The following SLC25A20 variants were observed in gnomAD, a reference collection of about 807,000 sequenced individuals.
SLC25A20 encodes mitochondrial carnitine/acylcarnitine carrier protein.
In SLC25A20, 29 loss-of-function variants were observed where a neutral mutation model predicts 39.7. That is an observed-to-expected ratio of 0.73 (90% CI 0.54 to 1.00). The LOEUF (loss-of-function observed/expected upper bound fraction) is 1.00. Among genes scored for constraint, SLC25A20 ranks in the 50% least tolerant of loss-of-function variants. The pLI is 0.00. For synonymous variants in SLC25A20, 103 were observed against 142.2 expected, an observed-to-expected ratio of 0.72 and a Z score of 1.96; for missense variants, 333 against 379.9, an observed-to-expected ratio of 0.88 and a Z score of 1.03.
chr3:48,858,682 T>G, intron 7 of SLC25A20, 51 bp from the exon 8 acceptor site: 1 of 1,613,236 alleles, frequency 6.2e-7, no homozygotes, highest in Non-Finnish European at 8.5e-7. Context: ...AAACTAGCAG[T>G]TAAGTCTTCC....
intron 4 of SLC25A20, among the ~76,000 whole-genome samples, chr3:48,869,631 C>T (rs1434071187): frequency 6.6e-6 from 1 of 151,994 alleles, no homozygotes; most frequent in African/African-American, 2.4e-5. Context: ...TGGAGATCAG[C>T]GAGGGCAATT....
At chr3:48,868,261 A>G (rs1007604595) in intron 4 of SLC25A20, among the ~76,000 whole-genome samples, 1 of 151,886 alleles carries the variant, frequency 6.6e-6, no homozygotes, top group African/African-American at 2.4e-5. Context: ...AGGAGGGTGT[A>G]AGAAAAGAGT....
In SLC25A20 at chr3:48,862,652, G is replaced by C. The variant is rs759262977; in HGVS notation, c.425C>G (p.Ala142Gly). Residue 142 changes from alanine to glycine, a missense_variant, in exon 5 of 9, where the codon GCT becomes GGT. Coordinates refer to ENST00000319017, the MANE Select transcript of SLC25A20 (RefSeq NM_000387.6). Reference sequence around the variant, plus strand: ...AGTGTACTTGCTTTCTCCTGAAGAAGCCTGAATCTGGGAGGGAGGAGAGGA... The same window carrying C: ...AGTGTACTTGCTTTCTCCTGAAGAACCCTGAATCTGGGAGGGAGGAGAGGA... Reference protein sequence around the residue: ...ERIKCLLQIQASSGESKYTGT... With the variant: ...ERIKCLLQIQGSSGESKYTGT... 1.9e-5 allele frequency: 30 copies of C among 1,608,758 alleles called. No homozygotes were observed. The highest frequency in any genetic ancestry group is 1.6e-4 in the Middle Eastern group (1 of 6,072).
intron 1 of SLC25A20, among the ~76,000 whole-genome samples, chr3:48,896,868 C>G (rs1027264709): frequency 2.0e-5 from 3 of 151,854 alleles, no homozygotes; most frequent in African/African-American, 7.3e-5. Context: ...GCCACACTCA[C>G]CTTCACTCCT....
At chr3:48,884,689 A>T (rs1217416399) in intron 2 of SLC25A20, among the ~76,000 whole-genome samples, 2 of 152,138 alleles carry the variant, frequency 1.3e-5, no homozygotes, top group South Asian at 4.1e-4. Context: ...TCACCTGGAA[A>T]TATTTTGTGT....
At chr3:48,877,431 A>T (rs1479021933) in intron 4 of SLC25A20, among the ~76,000 whole-genome samples, 1 of 149,694 alleles carries the variant, frequency 6.7e-6, no homozygotes, top group Non-Finnish European at 1.5e-5. Context: ...CCAAAAATAC[A>T]GGAAAAAAAG....
At chr3:48,859,453 G>T in intron 6 of SLC25A20, 102 bp downstream of exon 6, 1 of 1,020,736 alleles carries the variant, frequency 9.8e-7, no homozygotes, top group Non-Finnish European at 1.6e-6. Flanking sequence ...AAGCAGACAT[G>T]GAGCCAGGAA....
rs1559674116 is a variant in SLC25A20, at chr3:48,898,731, C to A, written c.64G>T (p.Val22Leu). The A allele has an allele frequency of 6.2e-7, 1 of 1,608,822 alleles. No homozygotes were observed. The highest frequency in any genetic ancestry group is 8.5e-7 in the Non-Finnish European group (1 of 1,178,154). ...GGGTGACCGACGAACACCAGGCACA[C>A]GCCGCCAAAGCCGCCGGCCAGCAGG... Reference protein sequence around the residue: ...KNLLAGGFGGVCLVFVGHPLD... With the variant: ...KNLLAGGFGGLCLVFVGHPLD... Residue 22 changes from valine (V) to leucine (L), a missense_variant, in exon 1 of 9, where the codon GTG becomes TTG. Coordinates refer to ENST00000319017, the MANE Select transcript of SLC25A20 (RefSeq NM_000387.6).
intron 1 of SLC25A20, among the ~76,000 whole-genome samples, chr3:48,897,369 T>TATATA (rs1559673766): frequency 8.5e-4 from 79 of 93,282 alleles, no homozygotes; most frequent in Non-Finnish European, 1.1e-3. Flanking sequence ...ATATATATAT[T>TATATA]TTTTTTTTTT....
intron 3 of SLC25A20, 22 bp downstream of exon 3, chr3:48,883,975 C>T (rs763699237): frequency 6.2e-7 from 1 of 1,612,190 alleles, no homozygotes; most frequent in Non-Finnish European, 8.5e-7. Flanking sequence ...ACAGCAAGTG[C>T]TCCTGACCTG....
chr3:48,857,830 T>G, intron 8 of SLC25A20, 58 bp from the exon 9 acceptor site: 1 of 1,500,048 alleles, frequency 6.7e-7, no homozygotes, highest in Non-Finnish European at 9.2e-7. Context: ...CATAGACTAT[T>G]CAAAGCACTA....
In SLC25A20 at chr3:48,878,040, A is replaced by C. The variant is rs571189686; in HGVS notation, c.417+1318T>G. On this transcript the variant is annotated intron_variant, in intron 4 of 8. Transcript: ENST00000319017. ...AACTTTGGGAGGCTGAGGCGGGCAG[A>C]TCACAAGGTTAAGAGATAGAGACCA... is the stretch of plus-strand genomic sequence containing the variant. Among the ~76,000 whole-genome samples the C allele has an allele frequency of 5.9e-5, 9 of 152,024 alleles. No individual in the cohort carries two copies. In the East Asian group the frequency reaches 1.4e-3, roughly 23 times the overall value.
At chr3:48,871,560 G>A (rs1358874000) in intron 4 of SLC25A20, among the ~76,000 whole-genome samples, 2 of 152,018 alleles carry the variant, frequency 1.3e-5, no homozygotes, top group African/African-American at 4.8e-5. Context: ...CTGAAGTAGG[G>A]AGTTCGAGAC....
intron 8 of SLC25A20, among the ~76,000 whole-genome samples, chr3:48,858,055 C>T (rs953737805): frequency 6.6e-6 from 1 of 151,132 alleles, no homozygotes; most frequent in Non-Finnish European, 1.5e-5. Flanking sequence ...GCAATCTCTG[C>T]CTCCCAGGTT....
At chr3:48,868,782 G>A (rs1363061804) in intron 4 of SLC25A20, among the ~76,000 whole-genome samples, 4 of 152,168 alleles carry the variant, frequency 2.6e-5, no homozygotes, top group African/African-American at 9.7e-5. Context: ...GGGAAGCATA[G>A]ACTTTCACCT....
intron 4 of SLC25A20, among the ~76,000 whole-genome samples, chr3:48,863,969 C>CGT (rs2083646360): frequency 1.3e-5 from 2 of 150,488 alleles, no homozygotes; most frequent in Admixed American, 1.3e-4. Flanking sequence ...GAGCCGAGAT[C>CGT]GTGCCACTGC....
At chr3:48,871,877 T>A (rs548620196) in intron 4 of SLC25A20, among the ~76,000 whole-genome samples, 2 of 151,210 alleles carry the variant, frequency 1.3e-5, no homozygotes, top group Admixed American at 1.3e-4. Flanking sequence ...TTTAGTGCAG[T>A]GGCACAATCC....
intron 2 of SLC25A20, among the ~76,000 whole-genome samples, chr3:48,886,297 G>A (rs941050541): frequency 4.6e-5 from 7 of 152,170 alleles, no homozygotes; most frequent in Non-Finnish European, 1.0e-4. Context: ...GGCCAAGGCG[G>A]GCGGATCACC....
chr3:48,898,462 C>A (rs1184790782), intron 1 of SLC25A20, among the ~76,000 whole-genome samples: 2 of 152,234 alleles, frequency 1.3e-5, no homozygotes, highest in Admixed American at 6.5e-5. Flanking sequence ...AACTTTACAT[C>A]AGAGCTCTTG....
Sources: allele counts gnomAD v4.1 joint callset (sites outside exome capture counted in the v4.1 genomes callset), GRCh38; gene constraint gnomAD v4.1.1; transcripts MANE v1.5; gene names NCBI Gene and HGNC (gene_info 2026-07-23, HGNC 2026-07-21).